AGTR2: variants seen among roughly 807,000 people sequenced by gnomAD.
AGTR2 encodes the protein angiotensin II receptor type 2.
A neutral mutation model predicts 14.2 loss-of-function variants in AGTR2; 15 were observed. That is an observed-to-expected ratio of 1.05 (90% confidence interval 0.70 to 1.62). AGTR2 has a LOEUF of 1.62. Among genes scored for constraint, AGTR2 ranks in the 40% most tolerant of loss-of-function variants. The pLI, the probability that AGTR2 is intolerant of heterozygous loss-of-function variation, is 0.00. For synonymous variants in AGTR2, 101 were observed against 98.5 expected, an observed-to-expected ratio of 1.03 and a Z score of -0.15; for missense variants, 274 against 273.1, an observed-to-expected ratio of 1.00 and a Z score of -0.02.
rs371470323 is a variant in AGTR2, at chrX:116,173,327, C to T, written c.1047C>T (p.Cys349=). 2.5e-6 allele frequency: 3 copies of T among 1,209,379 alleles called. No homozygotes were observed. The African/African-American group carries it at 5.3e-5, about 21-fold the overall frequency. Reference sequence around the variant, plus strand: ...AAGGGAAAAGAGAGAGTATGTCTTGCCGGAAAAGCAGTTCTCTTAGAGAAA... The same window carrying T: ...AAGGGAAAAGAGAGAGTATGTCTTGTCGGAAAAGCAGTTCTCTTAGAGAAA... The part of the protein sequence containing the change: ...WLQGKRESMS[C]RKSSSLREME... The change falls in exon 3 of 3, where the codon TGC becomes TGT. Residue 349 remains cysteine, a synonymous_variant. Transcript: ENST00000371906.
At position 116,174,905 on chromosome X, in the gene AGTR2, A is replaced by T. The variant is rs1922584381; in HGVS notation, c.*1533A>T. The T allele has an allele frequency of 1.6e-5, 2 of 123,432 alleles. No homozygotes were observed. Among genetic ancestry groups the T allele is most frequent in the Non-Finnish European group, 3.8e-5 (2 of 53,272 alleles). The allele number at this position is 123,432 out of a possible 1,213,427, so 10.2% of individuals were successfully genotyped here. On this transcript the variant is annotated 3_prime_UTR_variant, in exon 3 of 3. Transcript: ENST00000371906. ...AAACAAATAGCTAAATGTATAACCA[A>T]CTATGATGTTATGTTTTCAATAATT...
intron 2 of AGTR2, among the ~76,000 whole-genome samples, chrX:116,171,236 T>G (rs955510353): frequency 4.9e-5 from 3 of 60,615 alleles, no homozygotes; most frequent in Non-Finnish European, 8.9e-5. Context: ...AGCTAATGTG[T>G]TTTTTTTTTT....
rs1922562750 is a variant in AGTR2 at position 116,174,294 on chromosome X, G to A, written c.*922G>A. ...CTGGGTTGTTTCCTAAAATATCTGGGTGGCTTAAAAAAAACTCTTTAACTT... is the reference window on the plus strand; with the variant it reads ...CTGGGTTGTTTCCTAAAATATCTGGATGGCTTAAAAAAAACTCTTTAACTT... On this transcript the variant is annotated 3_prime_UTR_variant, in exon 3 of 3. Transcript: ENST00000371906. The A allele has an allele frequency of 8.2e-6, 1 of 121,391 alleles. No homozygotes were observed. The highest frequency in any genetic ancestry group is 1.9e-5 in the Non-Finnish European group (1 of 52,758). 10.0% of individuals were successfully genotyped at this position (121,391 alleles called of 1,213,427 possible).
rs5191 is a variant in AGTR2 at position 116,173,023 on chromosome X, G to A, written c.743G>A (p.Arg248Lys). 2.3e-3 allele frequency: 2,737 copies of A among 1,209,676 alleles called. 33 individuals carry two copies. The African/African-American group carries it at 0.041, about 18-fold the overall frequency. The change falls in exon 3 of 3, where the codon AGG becomes AAG. Residue 248 changes from arginine to lysine, a missense_variant. Physicochemically the swap from Arg to Lys is conservative, Grantham distance 26. Transcript: ENST00000371906. ...LLKTNSYGKN[R>K]ITRDQVLKMA... ...AAGACGAATAGCTATGGGAAGAACAGGATAACCCGTGACCAAGTCCTGAAG... is the reference window on the plus strand; with the variant it reads ...AAGACGAATAGCTATGGGAAGAACAAGATAACCCGTGACCAAGTCCTGAAG...
rs1556673839 is a variant in AGTR2, at chrX:116,173,223, C to T, written c.943C>T (p.Pro315Ser). The T allele has an allele frequency of 3.3e-6, 4 of 1,211,226 alleles. No individual in the cohort carries two copies. The highest frequency in any genetic ancestry group is 1.1e-6 in the Non-Finnish European group (1 of 895,251). ...LLGFTNSCVN[P>S]FLYCFVGNRF... ...GGGATTCACCAACAGCTGCGTTAATCCGTTTCTGTATTGTTTTGTTGGAAA... is the reference window on the plus strand; with the variant it reads ...GGGATTCACCAACAGCTGCGTTAATTCGTTTCTGTATTGTTTTGTTGGAAA... Residue 315 changes from proline (P) to serine (S), a missense_variant, in exon 3 of 3, where the codon CCG becomes TCG. By Grantham distance (74) the Pro-to-Ser change is moderately conservative. Transcript: ENST00000371906.
intron 2 of AGTR2, 98 bp from the exon 3 acceptor site, chrX:116,172,148 C>T (rs1569536524): frequency 3.9e-6 from 3 of 761,044 alleles, no homozygotes; most frequent in East Asian, 6.6e-5. Flanking sequence ...TAATCACTCA[C>T]TTTTTTTTTG....
intron 2 of AGTR2, among the ~76,000 whole-genome samples, chrX:116,171,862 A>T (rs781822021): frequency 2.2e-4 from 25 of 111,710 alleles, no homozygotes; most frequent in Non-Finnish European, 4.3e-4. Flanking sequence ...AAACAGAGAT[A>T]TATGCTCAAG....
At position 116,172,642 on chromosome X, in the gene AGTR2, G is replaced by C. The variant is rs1556673729; in HGVS notation, c.362G>C (p.Gly121Ala). ...LFGPVMCKVF[G>A]SFLTLNMFAS... is the part of the protein sequence containing the mutation. ...GGACCTGTGATGTGCAAAGTTTTTG[G>C]TTCTTTTCTTACCCTGAACATGTTT... is the stretch of plus-strand genomic sequence containing the variant. The change falls in exon 3 of 3, where the codon GGT becomes GCT. Residue 121 changes from glycine (G) to alanine (A), a missense_variant. Transcript: ENST00000371906. The C allele has an allele frequency of 8.3e-7, 1 of 1,210,580 alleles. No homozygotes were observed. The highest frequency in any genetic ancestry group is 1.1e-6 in the Non-Finnish European group (1 of 895,137).
Position 116,174,413 on chromosome X carries a change from A to G in AGTR2, c.*1041A>G, listed in dbSNP as rs1176027139. The G allele has an allele frequency of 2.4e-5, 3 of 122,463 alleles. No individual in the cohort carries two copies. The highest frequency in any genetic ancestry group is 5.7e-5 in the Non-Finnish European group (3 of 53,024). The allele number at this position is 122,463 out of a possible 1,213,427, so 10.1% of individuals were successfully genotyped here. Reference sequence around the variant, plus strand: ...GGGGCAAAGAGACCCAGTCAATTACATGTTTGGTACCAAGAAAGGAACCTG... The same window carrying G: ...GGGGCAAAGAGACCCAGTCAATTACGTGTTTGGTACCAAGAAAGGAACCTG... On this transcript the variant is annotated 3_prime_UTR_variant, in exon 3 of 3. Coordinates refer to ENST00000371906, the MANE Select transcript of AGTR2 (RefSeq NM_000686.5).
Position 116,173,168 on chromosome X carries a change from T to A in AGTR2, c.888T>A (p.Ile296=). 1 of 1,208,692 alleles carries A rather than the reference T, an allele frequency of 8.3e-7. No homozygotes were observed. Among genetic ancestry groups the A allele is most frequent in the Non-Finnish European group, 1.1e-6 (1 of 893,303 alleles). The change falls in exon 3 of 3, where the codon ATT becomes ATA. Residue 296 remains isoleucine, a synonymous_variant. Transcript: ENST00000371906. ...VINSCEVIAV[I]DLALPFAILL... ...ATAGCTGCGAAGTTATAGCAGTCAT[T>A]GACCTGGCACTTCCTTTTGCCATCC...
In AGTR2 at chrX:116,172,613, C is replaced by CT; in HGVS notation, c.336dup (p.Gly113TrpfsTer29). On this transcript the variant is annotated frameshift_variant, in exon 3 of 3. Coordinates refer to ENST00000371906, the MANE Select transcript of AGTR2 (RefSeq NM_000686.5). LOFTEE classifies it high-confidence loss of function. ...ATTATTCTTATAGATATGACTGGCT[C>CT]TTTGGACCTGTGATGTGCAAAGTTT... 1 of 1,211,287 alleles carries CT rather than the reference C, an allele frequency of 8.3e-7. No individual in the cohort carries two copies. Among genetic ancestry groups the CT allele is most frequent in the Non-Finnish European group, 1.1e-6 (1 of 895,346 alleles).
At position 116,172,754 on chromosome X, in the gene AGTR2, G is replaced by A. The variant is rs374560804; in HGVS notation, c.474G>A (p.Trp158Ter). Reference sequence around the variant, plus strand: ...TTCTGTCTCAAAGAAGAAATCCCTGGCAAGCATCTTATATAGTTCCCCTTG... The same window carrying A: ...TTCTGTCTCAAAGAAGAAATCCCTGACAAGCATCTTATATAGTTCCCCTTG... ...YPFLSQRRNP[W>*]QASYIVPLVW... Residue 158 changes from tryptophan (W) to a stop codon, truncating the protein, a stop_gained, in exon 3 of 3, where the codon TGG becomes TGA. Coordinates refer to ENST00000371906, the MANE Select transcript of AGTR2 (RefSeq NM_000686.5). LOFTEE classifies it high-confidence loss of function. The A allele has an allele frequency of 4.8e-5, 58 of 1,208,554 alleles. No individual in the cohort carries two copies. Among genetic ancestry groups the A allele is most frequent in the Non-Finnish European group, 6.5e-5 (58 of 894,600 alleles).
Position 116,172,533 on chromosome X carries a change from A to C in AGTR2, c.253A>C (p.Asn85His). 4 of 1,211,541 alleles carry C rather than the reference A, an allele frequency of 3.3e-6. No individual in the cohort carries two copies. Among genetic ancestry groups the C allele is most frequent in the Non-Finnish European group, 4.5e-6 (4 of 895,361 alleles). The change falls in exon 3 of 3, where the codon AAC becomes CAC. Residue 85 changes from asparagine to histidine, a missense_variant. By Grantham distance (68) the Asn-to-His change is moderately conservative (BLOSUM62 1). Coordinates refer to ENST00000371906, the MANE Select transcript of AGTR2 (RefSeq NM_000686.5). ...AAAGGTTTCTAGCATATACATCTTC[A>C]ACCTCGCTGTGGCTGATTTACTCCT... The part of the protein sequence containing the change: ...PKKVSSIYIF[N>H]LAVADLLLLA...
Position 116,172,324 on chromosome X carries a change from C to A in AGTR2, c.44C>A (p.Thr15Asn). 1.7e-6 allele frequency: 2 copies of A among 1,211,060 alleles called. No homozygotes were observed. The highest frequency in any genetic ancestry group is 2.2e-6 in the Non-Finnish European group (2 of 895,089). Residue 15 changes from threonine (T) to asparagine (N), a missense_variant, in exon 3 of 3, where the codon ACC (threonine) becomes AAC (asparagine). Physicochemically the swap from Thr to Asn is moderately conservative, Grantham distance 65. Transcript: ENST00000371906. ...STLATTSKNITSGLHFGLVNI... is the reference protein window; with the variant it reads ...STLATTSKNINSGLHFGLVNI... The stretch of plus-strand genomic sequence containing the variant: ...CTTGCCACTACTAGCAAAAACATTA[C>A]CAGCGGTCTTCACTTCGGGCTTGTG...
chrX:116,172,641 G>T lies in AGTR2; in HGVS notation c.361G>T (p.Gly121Cys). Reference protein sequence around the residue: ...LFGPVMCKVFGSFLTLNMFAS... With the variant: ...LFGPVMCKVFCSFLTLNMFAS... ...TGGACCTGTGATGTGCAAAGTTTTT[G>T]GTTCTTTTCTTACCCTGAACATGTT... Residue 121 changes from glycine (G) to cysteine (C), a missense_variant, in exon 3 of 3, where the codon GGT (glycine) becomes TGT (cysteine). Transcript: ENST00000371906. The T allele has an allele frequency of 8.3e-7, 1 of 1,210,742 alleles. No individual in the cohort carries two copies.
intron 2 of AGTR2, 56 bp from the exon 3 acceptor site, chrX:116,172,190 C>A: frequency 9.4e-7 from 1 of 1,061,290 alleles, no homozygotes; most frequent in Non-Finnish European, 1.3e-6. Context: ...GCTAATGATT[C>A]AAGGATGTCC....
chrX:116,172,148 C>CTTTTTTT, intron 2 of AGTR2, 98 bp from the exon 3 acceptor site: 2 of 762,775 alleles, frequency 2.6e-6, no homozygotes, highest in Non-Finnish European at 3.9e-6. Context: ...TAATCACTCA[C>CTTTTTTT]TTTTTTTTTG....
rs1922534386 is a variant in AGTR2, at chrX:116,173,384, A to C, written c.*12A>C. On this transcript the variant is annotated 3_prime_UTR_variant, in exon 3 of 3. Coordinates refer to ENST00000371906, the MANE Select transcript of AGTR2 (RefSeq NM_000686.5). ...CCTTTGTGTCTTAAACGTGAGAGCA[A>C]AATGCATGTAATCAACATGGCTACT... 1 of 1,209,028 alleles carries C rather than the reference A, an allele frequency of 8.3e-7. No individual in the cohort carries two copies. The highest frequency in any genetic ancestry group is 1.1e-6 in the Non-Finnish European group (1 of 894,470).
rs1556673962 is a variant in AGTR2, at chrX:116,174,382, T to C, written c.*1010T>C. The C allele has an allele frequency of 8.2e-6, 1 of 122,620 alleles. No homozygotes were observed. The highest frequency in any genetic ancestry group is 1.9e-5 in the Non-Finnish European group (1 of 53,045). 10.1% of individuals were successfully genotyped at this position (122,620 alleles called of 1,213,427 possible). A position where few individuals can be genotyped will look rare whatever the true frequency, so the allele number is the denominator to read the frequency against. The stretch of plus-strand genomic sequence containing the variant: ...GAATGGAATTTTGCTACATGGGGTC[T>C]GGGTGGGGGCAAAGAGACCCAGTCA... On this transcript the variant is annotated 3_prime_UTR_variant, in exon 3 of 3. Transcript: ENST00000371906.
Sources: allele counts gnomAD v4.1 joint callset (sites outside exome capture counted in the v4.1 genomes callset), GRCh38; gene constraint gnomAD v4.1.1; transcripts MANE v1.5; gene names NCBI Gene and HGNC (gene_info 2026-07-23, HGNC 2026-07-21).